The following PLA2G3 variants were observed in gnomAD, a reference collection of about 807,000 sequenced individuals.
PLA2G3 encodes the protein group 3 secretory phospholipase A2.
PLA2G3 carries 39 observed loss-of-function variants against 51.3 expected under a neutral mutation model. The ratio of observed to expected loss-of-function variants is 0.76; its 90% CI spans 0.59 to 0.99. PLA2G3 has a LOEUF of 0.99. Among genes scored for constraint, PLA2G3 ranks in the 50% least tolerant of loss-of-function variants. The pLI is 0.00. For missense variants in PLA2G3, 677 were observed against 662.1 expected (o/e 1.02, Z -0.25); for synonymous variants, 293 against 263.1 (o/e 1.11, Z -1.10).
Position 31,140,197 on chromosome 22 carries a change from T to A in PLA2G3, c.158A>T (p.Gln53Leu), listed in dbSNP as rs752896259. 16 of 1,612,582 alleles carry A rather than the reference T, an allele frequency of 9.9e-6. No homozygotes were observed. The Admixed American group carries it at 2.7e-4, about 27-fold the overall frequency. The change falls in exon 1 of 7, where the codon CAG (glutamine) becomes CTG (leucine). Residue 53 changes from glutamine (Q) to leucine (L), a missense_variant. Physicochemically the swap from Gln to Leu is moderately radical, Grantham distance 113. Coordinates refer to ENST00000215885, the MANE Select transcript of PLA2G3 (RefSeq NM_015715.5). Reference protein sequence around the residue: ...GYLSFLAKDAQGLALIHARWD... With the variant: ...GYLSFLAKDALGLALIHARWD... ...GCGGGCATGGATCAGGGCCAGTCCCTGAGCATCCTTGGCCAGGAAGCTCAG... is the reference window on the plus strand; with the variant it reads ...GCGGGCATGGATCAGGGCCAGTCCCAGAGCATCCTTGGCCAGGAAGCTCAG...
rs1176094274 is a variant in PLA2G3, at chr22:31,135,776, G to C, written c.1477C>G (p.Leu493Val). 1.2e-6 allele frequency: 2 copies of C among 1,614,056 alleles called. No homozygotes were observed. Among genetic ancestry groups the C allele is most frequent in the South Asian group, 2.2e-5 (2 of 91,070 alleles). The change falls in exon 7 of 7, where the codon CTA becomes GTA. Residue 493 changes from leucine (L) to valine (V), a missense_variant. Coordinates refer to ENST00000215885, the MANE Select transcript of PLA2G3 (RefSeq NM_015715.5). ...TCGGGTCTCCTGGCTGCCTGGGTTA[G>C]CTGCAGGCACTGGTTGTAGAATGAC... The part of the protein sequence containing the change: ...PMSFYNQCLQ[L>V]TQAARRPDRQ...
At position 31,137,949 on chromosome 22, in the gene PLA2G3, C is replaced by G. The variant is rs759188100; in HGVS notation, c.827G>C (p.Arg276Thr). 1.1e-5 allele frequency: 17 copies of G among 1,604,324 alleles called. No homozygotes were observed. The highest frequency in any genetic ancestry group is 1.4e-5 in the Non-Finnish European group (17 of 1,175,836). ...GCTCCAGGAGGCATTGTAGAAGGTC[C>G]TGGGCTGCAGGCGAGCGAGGGGCAC... ...GTVPLARLQPRTFYNASWSSR... is the reference protein window; with the variant it reads ...GTVPLARLQPTTFYNASWSSR... The change falls in exon 4 of 7, where the codon AGG (arginine) becomes ACG (threonine). Residue 276 changes from arginine to threonine, a missense_variant. Physicochemically the swap from Arg to Thr is moderately conservative, Grantham distance 71. Transcript: ENST00000215885.
At chr22:31,139,811 C>T (rs376540550) in intron 1 of PLA2G3, 30 bp downstream of exon 1, 8 of 1,534,256 alleles carry the variant, frequency 5.2e-6, no homozygotes, top group South Asian at 1.1e-5. Context: ...CCGATCGGAC[C>T]CCCCAGCCCA....
At position 31,138,665 on chromosome 22, in the gene PLA2G3, A is replaced by C; in HGVS notation, c.647+2T>G. 1 of 1,614,044 alleles carries C rather than the reference A, an allele frequency of 6.2e-7. No individual in the cohort carries two copies. Among genetic ancestry groups the C allele is most frequent in the Non-Finnish European group, 8.5e-7 (1 of 1,179,978 alleles). On this transcript the variant is annotated splice_donor_variant, in intron 2 of 6. Transcript: ENST00000215885. LOFTEE classifies it high-confidence loss of function. ...TCTGGGCCCTCGCTGCCTGCCACCA[A>C]CCTGGTGTCACAGTCACAGTGGGAG... is the stretch of plus-strand genomic sequence containing the variant.
intron 5 of PLA2G3, 35 bp from the exon 6 acceptor site, chr22:31,136,834 C>T (rs763578938): frequency 1.0e-5 from 16 of 1,602,166 alleles, no homozygotes; most frequent in Non-Finnish European, 1.4e-5. Context: ...CGGGGCAGGG[C>T]CTTGCCAGCC....
In PLA2G3 at chr22:31,137,765, C is replaced by G. The variant is rs201951496; in HGVS notation, c.1011G>C (p.Arg337Ser). Residue 337 changes from arginine (R) to serine (S), a missense_variant, in exon 4 of 7, where the codon AGG becomes AGC. Transcript: ENST00000215885. ...GGAGGCCTGTGGGGGCCACATCAAG[C>G]CTGGGAGAGACCATAGGGTCCTGGA... The part of the protein sequence containing the change: ...TALQDPMVSP[R>S]LDVAPTGLQG... 6.2e-7 allele frequency: 1 copy of G among 1,613,782 alleles called. No individual in the cohort carries two copies. Among genetic ancestry groups the G allele is most frequent in the East Asian group, 2.2e-5 (1 of 44,880 alleles).
chr22:31,136,520 GCT>G (rs1220716880), intron 6 of PLA2G3, among the ~76,000 whole-genome samples, 161 bp downstream of exon 6: 1 of 152,216 alleles, frequency 6.6e-6, no homozygotes. Context: ...CAACTGCAGA[GCT>G]GGACCTGGGG....
intron 1 of PLA2G3, 23 bp downstream of exon 1, chr22:31,139,817 GC>G: frequency 1.9e-6 from 3 of 1,568,326 alleles, no homozygotes; most frequent in East Asian, 2.2e-5. Flanking sequence ...GGACCCCCCA[GC>G]CCACACACCC....
intron 6 of PLA2G3, 53 bp downstream of exon 6, chr22:31,136,630 C>T: frequency 6.8e-7 from 1 of 1,464,998 alleles, no homozygotes; most frequent in Non-Finnish European, 9.6e-7. Context: ...TGGGTATAGG[C>T]AACCCACCCT....
Position 31,140,286 on chromosome 22 carries a change from G to A in PLA2G3, c.69C>T (p.Ala23=), listed in dbSNP as rs759618441. 2 of 1,611,736 alleles carry A rather than the reference G, an allele frequency of 1.2e-6. No individual in the cohort carries two copies. The highest frequency in any genetic ancestry group is 2.2e-5 in the East Asian group (1 of 44,890). The change falls in exon 1 of 7, where the codon GCC becomes GCT. Residue 23 remains alanine, a synonymous_variant. Transcript: ENST00000215885. Reference sequence around the variant, plus strand: ...GGCAGGAGGTCCTGTACCAGCGGAGGGCAGGGGAGCCCCCCAGGGCCACCC... The same window carrying A: ...GGCAGGAGGTCCTGTACCAGCGGAGAGCAGGGGAGCCCCCCAGGGCCACCC... The part of the protein sequence containing the change: ...FLGVALGGSP[A]LRWYRTSCHL...
rs5749217 is a variant in PLA2G3 at position 31,134,890 on chromosome 22, G to A, written c.*833C>T. The A allele has an allele frequency of 0.011, 1,731 of 156,702 alleles. 175 individuals carry two copies. The East Asian group carries it at 0.26, about 24-fold the overall frequency. 9.7% of individuals were successfully genotyped at this position (156,702 alleles called of 1,614,324 possible). A position where few individuals can be genotyped will look rare whatever the true frequency, so the allele number is the denominator to read the frequency against. On this transcript the variant is annotated 3_prime_UTR_variant, in exon 7 of 7. Coordinates refer to ENST00000215885, the MANE Select transcript of PLA2G3 (RefSeq NM_015715.5). ...TCTTAGACCCATTTCACAGGTGAGC[G>A]AACTGAGGCCTTTAAAAGGTTACAT...
rs754398130 is a variant in PLA2G3 at position 31,138,260 on chromosome 22, G to C, written c.782+16C>G. The C allele has an allele frequency of 9.9e-6, 16 of 1,611,728 alleles. 1 individual carries two copies. In the East Asian group the frequency reaches 2.0e-4, roughly 20 times the overall value. The stretch of plus-strand genomic sequence containing the variant: ...CCTCTCTGTCTGGAAAGGGACATGA[G>C]GGGGTGGCCACGTACCCGCCCCACC... On this transcript the variant is annotated intron_variant, in intron 3 of 6. Coordinates refer to ENST00000215885, the MANE Select transcript of PLA2G3 (RefSeq NM_015715.5).
rs1344198960 is a variant in PLA2G3 at position 31,138,429 on chromosome 22, C to T, written c.648-19G>A. 6.2e-7 allele frequency: 1 copy of T among 1,612,570 alleles called. No homozygotes were observed. Among genetic ancestry groups the T allele is most frequent in the Non-Finnish European group, 8.5e-7 (1 of 1,179,030 alleles). ...CTGAAACCTGCCCCAGAACAGATAC[C>T]CAGGACCCTGGGGCATGGAGGGCTG... On this transcript the variant is annotated intron_variant, in intron 2 of 6. Coordinates refer to ENST00000215885, the MANE Select transcript of PLA2G3 (RefSeq NM_015715.5).
At chr22:31,137,684 C>T in intron 4 of PLA2G3, 26 bp downstream of exon 4, 1 of 1,555,272 alleles carries the variant, frequency 6.4e-7, no homozygotes, top group African/African-American at 1.4e-5. Flanking sequence ...ATGTCAGGAA[C>T]CCCCAAGGTT....
In PLA2G3 at chr22:31,139,971, G is replaced by C. The variant is rs1447918036; in HGVS notation, c.384C>G (p.Ala128=). 6.2e-7 allele frequency: 1 copy of C among 1,613,884 alleles called. No homozygotes were observed. Among genetic ancestry groups the C allele is most frequent in the Non-Finnish European group, 8.5e-7 (1 of 1,180,008 alleles). Reference sequence around the variant, plus strand: ...TCTGCCCTGCTGCTCGCTTCTTCCTGGCCCCTGCTGGACTCTCCTCAAGCG... The same window carrying C: ...TCTGCCCTGCTGCTCGCTTCTTCCTCGCCCCTGCTGGACTCTCCTCAAGCG... ...CRALEESPAG[A]RKKRAAGQSG... is the part of the protein sequence containing the mutation. The change falls in exon 1 of 7, where the codon GCC becomes GCG. Residue 128 remains alanine (A), a synonymous_variant. Transcript: ENST00000215885.
rs1434030811 is a variant in PLA2G3 at position 31,138,283 on chromosome 22, A to C, written c.775T>G (p.Trp259Gly). Residue 259 changes from tryptophan to glycine, a missense_variant, in exon 3 of 7, where the codon TGG becomes GGG. Physicochemically the swap from Trp to Gly is radical, Grantham distance 184. Transcript: ENST00000215885. Reference sequence around the variant, plus strand: ...GAGGGGGTGGCCACGTACCCGCCCCACCAGTACCACGCCACACACGCCTCC... The same window carrying C: ...GAGGGGGTGGCCACGTACCCGCCCCCCCAGTACCACGCCACACACGCCTCC... ...EQEACVAWYW[W>G]GGCRMYGTVP... is the part of the protein sequence containing the mutation. 2 of 1,613,662 alleles carry C rather than the reference A, an allele frequency of 1.2e-6. No individual in the cohort carries two copies. Among genetic ancestry groups the C allele is most frequent in the South Asian group, 2.2e-5 (2 of 91,072 alleles).
intron 1 of PLA2G3, 34 bp downstream of exon 1, chr22:31,139,807 G>T: frequency 6.6e-7 from 1 of 1,505,934 alleles, no homozygotes; most frequent in Non-Finnish European, 9.2e-7. Context: ...TTCCCCGATC[G>T]GACCCCCCAG....
rs1407096512 is a variant in PLA2G3 at position 31,135,729 on chromosome 22, G to C, written c.1524C>G (p.Ser508Arg). Residue 508 changes from serine (S) to arginine (R), a missense_variant, in exon 7 of 7, where the codon AGC becomes AGG. Ser to Arg is a moderately radical substitution (Grantham distance 110). Coordinates refer to ENST00000215885, the MANE Select transcript of PLA2G3 (RefSeq NM_015715.5). ...RRPDRQQKSW[S>R]Q ...AGGAAAGCTGAAACTGAGGTCACTG[G>C]CTCCAGGACTTCTGCTGCCTGTCGG... The C allele has an allele frequency of 5.0e-6, 8 of 1,612,446 alleles. No individual in the cohort carries two copies. The highest frequency in any genetic ancestry group is 1.3e-5 in the African/African-American group (1 of 74,890).
At chr22:31,139,262 A>G (rs1271590046) in intron 1 of PLA2G3, among the ~76,000 whole-genome samples, 1 of 152,184 alleles carries the variant, frequency 6.6e-6, no homozygotes, top group Non-Finnish European at 1.5e-5. Flanking sequence ...ACACAAACGC[A>G]CAGACATCTG....
Sources: gnomAD v4.1 joint callset for allele counts (sites outside exome capture counted in the v4.1 genomes callset) on GRCh38, gnomAD v4.1.1 for gene constraint, MANE v1.5 for transcripts, NCBI Gene and HGNC (gene_info 2026-07-23, HGNC 2026-07-21) for gene names.